Variants in MED25 observed in about 807,000 individuals in gnomAD.
MED25 encodes mediator of RNA polymerase II transcription subunit 25.
Under a neutral mutation model 89.4 loss-of-function variants are expected in MED25, and 62 were observed. The ratio of observed to expected loss-of-function variants is 0.69; its 90% CI spans 0.57 to 0.86. MED25 has a LOEUF of 0.86. Among genes scored for constraint, MED25 ranks in the 40% least tolerant of loss-of-function variants. The pLI, the probability that MED25 is intolerant of heterozygous loss-of-function variation, is 0.00. For synonymous variants in MED25, 449 were observed against 427.9 expected (o/e 1.05, Z -0.61); for missense variants, 905 against 1,005.2 (o/e 0.90, Z 1.35).
rs1263106904 is a variant in MED25 at position 49,832,320 on chromosome 19, C to G, written c.1387C>G (p.Pro463Ala). ...GTGTCTCCCGCAGACCACCCTGGGCCCTTTGTTCCGGAACTCAAGGATGGT... is the reference window on the plus strand; with the variant it reads ...GTGTCTCCCGCAGACCACCCTGGGCGCTTTGTTCCGGAACTCAAGGATGGT... The part of the protein sequence containing the change: ...IPQQLLTTLG[P>A]LFRNSRMVQF... The change falls in exon 13 of 18, where the codon CCT becomes GCT. Residue 463 changes from proline to alanine, a missense_variant. Coordinates refer to ENST00000312865, the MANE Select transcript of MED25 (RefSeq NM_030973.4). The G allele has an allele frequency of 3.1e-6, 5 of 1,607,386 alleles. No homozygotes were observed. Among genetic ancestry groups the G allele is most frequent in the Non-Finnish European group, 4.3e-6 (5 of 1,176,342 alleles).
rs1275919035 is a variant in MED25, at chr19:49,836,279, A to G, written c.2019A>G (p.Pro673=). ...CCTCCCTCCACCACCTCCAGCCACC[A>G]GGGGCTCCTGCGCTGCTGCCTCCGC... ...PQASLHHLQP[P]GAPALLPPPH... The change falls in exon 17 of 18, where the codon CCA becomes CCG. Residue 673 remains proline, a synonymous_variant. Transcript: ENST00000312865. This position sits in a 1 kb window ranked among gnomAD's most constrained non-coding sequence, Gnocchi z 5.1. 2.5e-6 allele frequency: 4 copies of G among 1,612,278 alleles called. No homozygotes were observed. The East Asian group carries it at 8.9e-5, about 36-fold the overall frequency.
chr19:49,824,296 C>T (rs1437078555), intron 3 of MED25, among the ~76,000 whole-genome samples: 2 of 152,216 alleles, frequency 1.3e-5, no homozygotes, highest in African/African-American at 4.8e-5. Flanking sequence ...AGCCCCACAC[C>T]TCTGGACTGT....
Position 49,829,126 on chromosome 19 carries a change from G to A in MED25, c.525+36G>A. 1 of 1,591,746 alleles carries A rather than the reference G, an allele frequency of 6.3e-7. No homozygotes were observed. The highest frequency in any genetic ancestry group is 8.6e-7 in the Non-Finnish European group (1 of 1,165,220). On this transcript the variant is annotated intron_variant, in intron 5 of 17. Coordinates refer to ENST00000312865, the MANE Select transcript of MED25 (RefSeq NM_030973.4). This position sits in a 1 kb window ranked among gnomAD's most constrained non-coding sequence, Gnocchi z 4.6. ...CAGGGTCTGAGGGACGAGGGTCTGG[G>A]GGCCCGGAGTCTTGGGTCTGAGGCA...
intron 3 of MED25, among the ~76,000 whole-genome samples, chr19:49,820,305 C>T (rs538530357): frequency 7.2e-5 from 11 of 152,280 alleles, no homozygotes; most frequent in South Asian, 2.1e-4. Context: ...CTTACAGTGG[C>T]GTGACAGCAG....
intron 3 of MED25, 197 bp downstream of exon 3, chr19:49,819,493 G>A (rs557278905): frequency 3.2e-6 from 2 of 620,458 alleles, no homozygotes; most frequent in South Asian, 1.8e-5. Context: ...GTGAATGAGC[G>A]ATGGCTTGGG....
At chr19:49,838,920 A>T (rs956180740), downstream of MED25, 5 of 374,114 alleles carry the variant, frequency 1.3e-5, no homozygotes, top group Non-Finnish European at 2.6e-5. Context: ...TCAGAGCTAC[A>T]GCAGATGGCA....
downstream of MED25, among the ~76,000 whole-genome samples, chr19:49,837,250 C>CA (rs1353377677): frequency 1.3e-5 from 2 of 152,242 alleles, no homozygotes; most frequent in Non-Finnish European, 2.9e-5. Context: ...CCCAGCTCCT[C>CA]AGAGTCTTGA....
At position 49,830,260 on chromosome 19, in the gene MED25, C is replaced by T. The variant is rs765125220; in HGVS notation, c.819+42C>T. On this transcript the variant is annotated intron_variant, in intron 7 of 17. Coordinates refer to ENST00000312865, the MANE Select transcript of MED25 (RefSeq NM_030973.4). The surrounding 1 kb of genome is among the most constrained non-coding windows in gnomAD (Gnocchi z 4.6). ...GAAGGGACATGCTTCTGGGGACTTG[C>T]TGGAGCCCTGGCCCCTGGGGAGAAA... 7 of 1,593,428 alleles carry T rather than the reference C, an allele frequency of 4.4e-6. No homozygotes were observed. The highest frequency in any genetic ancestry group is 2.7e-5 in the African/African-American group (2 of 74,690).
At position 49,830,484 on chromosome 19, in the gene MED25, C is replaced by CCTTCCCTT; in HGVS notation, c.820-16_820-9dup. ...TGGGGGGCCATGGTCCTCACCAGTC[C>CCTTCCCTT]CTTCCCTTCTTCCCTTCTACCCACA... is the stretch of plus-strand genomic sequence containing the variant. On this transcript the variant is annotated intron_variant, in intron 7 of 17. Coordinates refer to ENST00000312865, the MANE Select transcript of MED25 (RefSeq NM_030973.4). This position sits in a 1 kb window ranked among gnomAD's most constrained non-coding sequence, Gnocchi z 4.6. The CCTTCCCTT allele has an allele frequency of 6.2e-7, 1 of 1,610,684 alleles. No individual in the cohort carries two copies. The highest frequency in any genetic ancestry group is 8.5e-7 in the Non-Finnish European group (1 of 1,177,096).
Position 49,836,257 on chromosome 19 carries a change from C to T in MED25, c.1997C>T (p.Ser666Phe). The change falls in exon 17 of 18, where the codon TCC becomes TTC. Residue 666 changes from serine (S) to phenylalanine (F), a missense_variant. By Grantham distance (155) the Ser-to-Phe change is radical (BLOSUM62 -2). Around this residue, in one of 3 missense-constraint regions of MED25, gnomAD observed 271 missense variants for 258.1 expected, o/e 1.05. Transcript: ENST00000312865. The surrounding 1 kb of genome is among the most constrained non-coding windows in gnomAD (Gnocchi z 5.1). ...PQTGVPPPQASLHHLQPPGAP... is the reference protein window; with the variant it reads ...PQTGVPPPQAFLHHLQPPGAP... ...ACTGGGGTGCCCCCACCCCAGGCCTCCCTCCACCACCTCCAGCCACCAGGG... is the reference window on the plus strand; with the variant it reads ...ACTGGGGTGCCCCCACCCCAGGCCTTCCTCCACCACCTCCAGCCACCAGGG... 1.9e-6 allele frequency: 3 copies of T among 1,612,530 alleles called. No homozygotes were observed. The highest frequency in any genetic ancestry group is 2.5e-6 in the Non-Finnish European group (3 of 1,179,820).
At position 49,818,454 on chromosome 19, in the gene MED25, A is replaced by C; in HGVS notation, c.113A>C (p.His38Pro). Residue 38 changes from histidine to proline, a missense_variant, in exon 1 of 18, where the codon CAC becomes CCC. Physicochemically the swap from His to Pro is moderately conservative, Grantham distance 77 (BLOSUM62 -2). Coordinates refer to ENST00000312865, the MANE Select transcript of MED25 (RefSeq NM_030973.4). ...LGPYFEGLRKHYLLPAIEYFN... is the reference protein window; with the variant it reads ...LGPYFEGLRKPYLLPAIEYFN... ...CCCTACTTCGAGGGGCTCCGCAAGCACTACCTGCTCCCGGCCATCGAGTGA... is the reference window on the plus strand; with the variant it reads ...CCCTACTTCGAGGGGCTCCGCAAGCCCTACCTGCTCCCGGCCATCGAGTGA... The C allele has an allele frequency of 6.2e-7, 1 of 1,614,182 alleles. No individual in the cohort carries two copies. The highest frequency in any genetic ancestry group is 1.1e-5 in the South Asian group (1 of 91,084).
chr19:49,830,693 G>A lies in MED25; in HGVS notation c.908-1G>A, dbSNP rs2074049157. 1 of 1,613,944 alleles carries A rather than the reference G, an allele frequency of 6.2e-7. No individual in the cohort carries two copies. The highest frequency in any genetic ancestry group is 1.3e-5 in the African/African-American group (1 of 74,892). The stretch of plus-strand genomic sequence containing the variant: ...ACTTCTTCCCTTGGTCTCTCCCACA[G>A]TCTCGCCCATCACCCCTCTCCAACA... On this transcript the variant is annotated splice_acceptor_variant, in intron 8 of 17. Transcript: ENST00000312865. LOFTEE classifies it high-confidence loss of function. This position sits in a 1 kb window ranked among gnomAD's most constrained non-coding sequence, Gnocchi z 4.6.
Position 49,835,069 on chromosome 19 carries a change from CA to C in MED25, c.1567del (p.Met523TrpfsTer74). ...TGTACTCGTCCAAGAAGAAGATCTTCATGGGCCTCATCCCCTACGACCAGAG... is the reference window on the plus strand; with the variant it reads ...TGTACTCGTCCAAGAAGAAGATCTTCTGGGCCTCATCCCCTACGACCAGAG... ...LLYSSKKKIF[M>X]GLIPYDQSGF... is the part of the protein sequence containing the mutation. On this transcript the variant is annotated frameshift_variant, in exon 14 of 18. Coordinates refer to ENST00000312865, the MANE Select transcript of MED25 (RefSeq NM_030973.4). LOFTEE classifies it high-confidence loss of function. This position sits in a 1 kb window ranked among gnomAD's most constrained non-coding sequence, Gnocchi z 6.2. 6.2e-7 allele frequency: 1 copy of C among 1,614,136 alleles called. No individual in the cohort carries two copies. The highest frequency in any genetic ancestry group is 8.5e-7 in the Non-Finnish European group (1 of 1,180,024).
Position 49,830,834 on chromosome 19 carries a change from G to A in MED25, c.1048G>A (p.Val350Met), listed in dbSNP as rs753252786. 3 of 1,612,984 alleles carry A rather than the reference G, an allele frequency of 1.9e-6. No individual in the cohort carries two copies. The highest frequency in any genetic ancestry group is 3.3e-5 in the Admixed American group (2 of 60,018). ...TTCCCAGCCCAGTCTGGTCTCCACT[G>A]TGGCCCCTGGCTCCGGCCTGGCTCC... ...PASQPSLVST[V>M]APGSGLAPTA... Residue 350 changes from valine to methionine, a missense_variant, in exon 9 of 18, where the codon GTG (valine) becomes ATG (methionine). Physicochemically the swap from Val to Met is conservative, Grantham distance 21. Coordinates refer to ENST00000312865, the MANE Select transcript of MED25 (RefSeq NM_030973.4). The surrounding 1 kb of genome is among the most constrained non-coding windows in gnomAD (Gnocchi z 4.6).
rs765125220 is a variant in MED25 at position 49,830,260 on chromosome 19, C to A, written c.819+42C>A. On this transcript the variant is annotated intron_variant, in intron 7 of 17. Transcript: ENST00000312865. This position sits in a 1 kb window ranked among gnomAD's most constrained non-coding sequence, Gnocchi z 4.6. Reference sequence around the variant, plus strand: ...GAAGGGACATGCTTCTGGGGACTTGCTGGAGCCCTGGCCCCTGGGGAGAAA... The same window carrying A: ...GAAGGGACATGCTTCTGGGGACTTGATGGAGCCCTGGCCCCTGGGGAGAAA... 6.9e-6 allele frequency: 11 copies of A among 1,593,304 alleles called. No individual in the cohort carries two copies. Among genetic ancestry groups the A allele is most frequent in the East Asian group, 2.2e-5 (1 of 44,454 alleles).
intron 3 of MED25, among the ~76,000 whole-genome samples, chr19:49,823,927 C>A (rs757613403): frequency 3.9e-5 from 6 of 152,062 alleles, no homozygotes; most frequent in Non-Finnish European, 8.8e-5. Context: ...AAAGGTGTGA[C>A]AACCAAAAAT....
In MED25 at chr19:49,835,287, G is replaced by A; in HGVS notation, c.1674+110G>A. ...ATGCCCACCCTTCTCCCAATATGTGGTGCCTCCAAGCTAAGTCCCACTCAG... is the reference window on the plus strand; with the variant it reads ...ATGCCCACCCTTCTCCCAATATGTGATGCCTCCAAGCTAAGTCCCACTCAG... On this transcript the variant is annotated intron_variant, in intron 14 of 17. Transcript: ENST00000312865. The surrounding 1 kb of genome is among the most constrained non-coding windows in gnomAD (Gnocchi z 6.2). The A allele has an allele frequency of 8.1e-7, 1 of 1,234,150 alleles. No individual in the cohort carries two copies. Among genetic ancestry groups the A allele is most frequent in the Non-Finnish European group, 1.2e-6 (1 of 838,664 alleles). 76.4% of individuals were successfully genotyped at this position (1,234,150 alleles called of 1,614,324 possible).
At chr19:49,827,275 C>T (rs1445457767) in intron 3 of MED25, among the ~76,000 whole-genome samples, 2 of 152,148 alleles carry the variant, frequency 1.3e-5, no homozygotes, top group Admixed American at 6.5e-5. Context: ...ACGGATGCTG[C>T]GACGCGACTG....
chr19:49,839,504 G>C (rs1409867974), downstream of MED25: 1 of 152,536 alleles, frequency 6.6e-6, no homozygotes, highest in Non-Finnish European at 1.5e-5. Flanking sequence ...GAAGCTCTGT[G>C]ACTTGGTTGT....
Sources: gnomAD v4.1 joint callset for allele counts (sites outside exome capture counted in the v4.1 genomes callset) on GRCh38, gnomAD v4.1.1 for gene constraint, gnomAD v4.1.1 regional missense constraint, Gnocchi (gnomAD v3.1) non-coding constraint, MANE v1.5 for transcripts, NCBI Gene and HGNC (gene_info 2026-07-23, HGNC 2026-07-21) for gene names.